Variants in NELL1 observed in about 807,000 individuals in gnomAD.
NELL1 encodes the protein protein kinase C-binding protein NELL1.
In NELL1, 76 loss-of-function variants were observed where a neutral mutation model predicts 107.4. That is an observed-to-expected ratio of 0.71 (90% CI 0.59 to 0.86). NELL1 has a LOEUF of 0.86. Ranked by LOEUF, NELL1 falls within the 40% of genes least tolerant of loss-of-function variation. NELL1 has a pLI of 0.00. For synonymous variants in NELL1, 353 were observed against 341.2 expected (o/e 1.03, Z -0.38); for missense variants, 1,024 against 1,005.5 (o/e 1.02, Z -0.25).
chr11:21,525,594 C>T (rs745942792), intron 15 of NELL1, among the ~76,000 whole-genome samples: 2 of 152,102 alleles, frequency 1.3e-5, no homozygotes, highest in Non-Finnish European at 2.9e-5. Flanking sequence ...GTTTTTGTTT[C>T]TTCTCATGCT....
At chr11:21,100,098 C>G (rs534157885) in intron 12 of NELL1, among the ~76,000 whole-genome samples, 3 of 151,966 alleles carry the variant, frequency 2.0e-5, no homozygotes, top group East Asian at 3.9e-4. Flanking sequence ...CTCACTGCAA[C>G]CTCCACTTCC....
At chr11:21,507,787 C>CTTTTCT (rs567035184) in intron 15 of NELL1, among the ~76,000 whole-genome samples, 2,178 of 144,606 alleles carry the variant, frequency 0.015, 55 homozygotes, top group African/African-American at 0.052. Context: ...CTTTTCTTTT[C>CTTTTCT]TTTTTTTTTT....
At chr11:20,761,496 C>T (rs2133957971) in intron 2 of NELL1, among the ~76,000 whole-genome samples, 1 of 152,236 alleles carries the variant, frequency 6.6e-6, no homozygotes, top group African/African-American at 2.4e-5. Flanking sequence ...TTGAGAATAC[C>T]AGGGTTCATT....
At chr11:20,891,134 G>A (rs932296421) in intron 5 of NELL1, among the ~76,000 whole-genome samples, 2 of 152,180 alleles carry the variant, frequency 1.3e-5, no homozygotes, top group African/African-American at 4.8e-5. Context: ...CACCTACAAA[G>A]GGAAGCCCAT....
chr11:20,786,880 C>G (rs372284364), intron 3 of NELL1, among the ~76,000 whole-genome samples: 1 of 150,966 alleles, frequency 6.6e-6, no homozygotes, highest in African/African-American at 2.4e-5. Context: ...TGGTGGCGGG[C>G]GCCTGTAGTC....
At chr11:21,461,800 T>G (rs908511869) in intron 15 of NELL1, among the ~76,000 whole-genome samples, 1 of 152,062 alleles carries the variant, frequency 6.6e-6, no homozygotes, top group Non-Finnish European at 1.5e-5. Flanking sequence ...GTAGTCACAA[T>G]GCTAACTATT....
intron 13 of NELL1, among the ~76,000 whole-genome samples, chr11:21,147,557 G>T (rs1856008578): frequency 6.6e-6 from 1 of 152,012 alleles, no homozygotes; most frequent in South Asian, 2.1e-4. Context: ...TATAGGCTGG[G>T]CATGGTGGCT....
intron 13 of NELL1, among the ~76,000 whole-genome samples, chr11:21,171,821 G>A (rs1856612924): frequency 1.3e-5 from 2 of 151,714 alleles, no homozygotes; most frequent in South Asian, 2.1e-4. Context: ...TTCTCCCTTA[G>A]TCTCTTCTCC....
intron 3 of NELL1, among the ~76,000 whole-genome samples, chr11:20,820,226 TA>T (rs1398943118): frequency 6.6e-6 from 1 of 152,194 alleles, no homozygotes; most frequent in Non-Finnish European, 1.5e-5. Flanking sequence ...TAACCACAGG[TA>T]TATACAGAAT....
chr11:21,473,374 T>C (rs1193630009), intron 15 of NELL1, among the ~76,000 whole-genome samples: 1 of 152,064 alleles, frequency 6.6e-6, no homozygotes, highest in African/African-American at 2.4e-5. Flanking sequence ...TTGTTCTGTA[T>C]TGAATGGATC....
chr11:21,414,189 G>A (rs1035027826), intron 15 of NELL1, among the ~76,000 whole-genome samples: 6 of 152,054 alleles, frequency 3.9e-5, no homozygotes, highest in African/African-American at 1.2e-4. Context: ...CTGGTAAGAG[G>A]TCTTTGGAAA....
chr11:20,892,003 C>T (rs1849626358), intron 5 of NELL1, among the ~76,000 whole-genome samples: 1 of 152,152 alleles, frequency 6.6e-6, no homozygotes. Context: ...CTCCGCTTTG[C>T]ATCAAGTGGA....
At chr11:20,692,498 T>C (rs1445643133) in intron 2 of NELL1, among the ~76,000 whole-genome samples, 5 of 151,666 alleles carry the variant, frequency 3.3e-5, no homozygotes, top group African/African-American at 1.2e-4. Flanking sequence ...TTTGTTCTCG[T>C]TGGTTTCAAA....
chr11:20,779,554 G>T (rs1856815085), intron 2 of NELL1, among the ~76,000 whole-genome samples: 1 of 152,148 alleles, frequency 6.6e-6, no homozygotes, highest in African/African-American at 2.4e-5. Flanking sequence ...TTCACTATAG[G>T]TTCCCATTAA....
In NELL1 at chr11:21,534,495, G is replaced by C; in HGVS notation, c.1767G>C (p.Leu589=). The C allele has an allele frequency of 6.2e-7, 1 of 1,613,794 alleles. No homozygotes were observed. The highest frequency in any genetic ancestry group is 1.7e-5 in the Admixed American group (1 of 59,978). ...SGFHDDGTYS[L]SGESCIDIDE... ...TCCATGACGATGGGACCTATTCACTGTCCGGGGAGTCCTGTATTGGTAAGC... is the reference window on the plus strand; with the variant it reads ...TCCATGACGATGGGACCTATTCACTCTCCGGGGAGTCCTGTATTGGTAAGC... The change falls in exon 16 of 20, where the codon CTG becomes CTC. Residue 589 remains leucine, a synonymous_variant. Transcript: ENST00000357134.
chr11:21,123,356 TG>T (rs1281228316), intron 13 of NELL1, among the ~76,000 whole-genome samples: 2 of 135,758 alleles, frequency 1.5e-5, no homozygotes, highest in African/African-American at 5.2e-5. Context: ...TGTGTGTGTG[TG>T]TGTGTGTGTG....
chr11:20,772,613 TTTCA>T (rs3045564), intron 2 of NELL1, among the ~76,000 whole-genome samples: 124 of 150,934 alleles, frequency 8.2e-4, no homozygotes, highest in South Asian at 5.9e-3. Flanking sequence ...ATTAGGCACT[TTTCA>T]TTCATTCATT....
At chr11:21,338,232 C>T (rs1850481204) in intron 14 of NELL1, among the ~76,000 whole-genome samples, 1 of 152,194 alleles carries the variant, frequency 6.6e-6, no homozygotes, top group South Asian at 2.1e-4. Context: ...TATTGTTCTA[C>T]ACTCAACAGT....
In NELL1 at chr11:21,291,038, A is replaced by G. The variant is rs142457750; in HGVS notation, c.1549+61584A>G. ...TTCTTCAGAAGGTGGGTAACAGCAA[A>G]CTCTCTGAGCTAAAGGAGCATGTTC... On this transcript the variant is annotated intron_variant, in intron 14 of 19. Coordinates refer to ENST00000357134, the MANE Select transcript of NELL1 (RefSeq NM_006157.5). 2.0e-3 allele frequency among the ~76,000 whole-genome samples: 309 copies of G among 152,270 alleles called. 1 individual carries two copies. Among genetic ancestry groups the G allele is most frequent in the African/African-American group, 7.2e-3 (299 of 41,546 alleles).
Sources: allele counts gnomAD v4.1 joint callset (sites outside exome capture counted in the v4.1 genomes callset), GRCh38; gene constraint gnomAD v4.1.1; transcripts MANE v1.5; gene names NCBI Gene and HGNC (gene_info 2026-07-23, HGNC 2026-07-21).